PRKCI: variants seen among roughly 807,000 people sequenced by gnomAD.
PRKCI encodes protein kinase C iota type.
PRKCI carries 43 observed loss-of-function variants against 84.0 expected under a neutral mutation model. The ratio of observed to expected loss-of-function variants is 0.51; its 90% CI spans 0.40 to 0.66. PRKCI has a LOEUF of 0.66. PRKCI is among the 30% of genes least tolerant of loss of function. PRKCI has a pLI of 0.00. For missense variants in PRKCI, 459 were observed against 745.6 expected (o/e 0.62, Z 4.48); for synonymous variants, 216 against 234.4 (o/e 0.92, Z 0.72).
chr3:170,303,255 T>G lies in PRKCI; in HGVS notation c.*128T>G. The G allele has an allele frequency of 1.8e-6, 1 of 561,484 alleles. No homozygotes were observed. Among genetic ancestry groups the G allele is most frequent in the Non-Finnish European group, 3.0e-6 (1 of 328,798 alleles). The allele number at this position is 561,484 out of a possible 1,614,324, so 34.8% of individuals were successfully genotyped here. ...CAAAAAAACACCCAATATCTTCTCT[T>G]GTAGACTATATGAATCAATTATTAC... On this transcript the variant is annotated 3_prime_UTR_variant, in exon 18 of 18. Coordinates refer to ENST00000295797, the MANE Select transcript of PRKCI (RefSeq NM_002740.6).
chr3:170,239,982 C>G (rs1223582880), intron 2 of PRKCI, among the ~76,000 whole-genome samples: 1 of 151,916 alleles, frequency 6.6e-6, no homozygotes, highest in African/African-American at 2.4e-5. Context: ...ATAGTGAGAC[C>G]CTGTCCCTAC....
chr3:170,245,945 C>CTTTGTTTTTTTTTTTTGTTTG lies in PRKCI; in HGVS notation c.223+10610_223+10611insGTTTGTTTGTTTTTTTTTTTT, dbSNP rs1553837881. Among the ~76,000 whole-genome samples, 358 of 95,104 alleles carry CTTTGTTTTTTTTTTTTGTTTG rather than the reference C, an allele frequency of 3.8e-3. 2 individuals are homozygous for CTTTGTTTTTTTTTTTTGTTTG. The highest frequency in any genetic ancestry group is 0.011 in the African/African-American group (236 of 20,632). The allele number at this position is 95,104 out of a possible 152,430, so 62.4% of individuals were successfully genotyped here. A position where few individuals can be genotyped will look rare whatever the true frequency, so the allele number is the denominator to read the frequency against. Reference sequence around the variant, plus strand: ...TCTCTTTTTTCCCTGGATGTTATGTCTTTGTTTTTTTTTTTTTTTTTTTTT... The same window carrying CTTTGTTTTTTTTTTTTGTTTG: ...TCTCTTTTTTCCCTGGATGTTATGTCTTTGTTTTTTTTTTTTGTTTGTTTGTTTTTTTTTTTTTTTTTTTTT... On this transcript the variant is annotated intron_variant, in intron 2 of 17. Coordinates refer to ENST00000295797, the MANE Select transcript of PRKCI (RefSeq NM_002740.6).
intron 16 of PRKCI, among the ~76,000 whole-genome samples, chr3:170,298,255 T>A (rs997137135): frequency 6.6e-6 from 1 of 152,160 alleles, no homozygotes; most frequent in African/African-American, 2.4e-5. Context: ...TTTATTTTTT[T>A]AGGAGAAACA....
chr3:170,263,470 A>G, intron 4 of PRKCI, 41 bp downstream of exon 4: 7 of 1,485,256 alleles, frequency 4.7e-6, no homozygotes, highest in South Asian at 1.2e-5. Context: ...AAGAGTTACT[A>G]TGCTATGGTA....
chr3:170,276,783 A>G (rs1291152844), intron 8 of PRKCI, among the ~76,000 whole-genome samples: 1 of 152,216 alleles, frequency 6.6e-6, no homozygotes, highest in Admixed American at 6.5e-5. Flanking sequence ...AAAAATTGAC[A>G]AGTGGGACCT....
intron 3 of PRKCI, among the ~76,000 whole-genome samples, chr3:170,262,914 T>C (rs1000132903): frequency 1.9e-4 from 29 of 150,988 alleles, no homozygotes; most frequent in Non-Finnish European, 3.4e-4. Context: ...CTCACGCCTG[T>C]AATCCCAGCA....
chr3:170,284,437 G>T (rs767196855), intron 11 of PRKCI, 24 bp from the exon 12 acceptor site: 61 of 1,513,218 alleles, frequency 4.0e-5, no homozygotes, highest in Non-Finnish European at 5.1e-5. Flanking sequence ...TGAATCAAAT[G>T]ACTTATTTTT....
chr3:170,292,812 C>A (rs1322548507), intron 13 of PRKCI, among the ~76,000 whole-genome samples: 1 of 151,832 alleles, frequency 6.6e-6, no homozygotes, highest in African/African-American at 2.4e-5. Context: ...GAGGCCGAGG[C>A]AGGCGGATCA....
intron 10 of PRKCI, 133 bp downstream of exon 10, chr3:170,281,396 TGC>T: frequency 1.5e-6 from 1 of 662,794 alleles, no homozygotes; most frequent in Non-Finnish European, 2.6e-6. Flanking sequence ...TATAACTTCC[TGC>T]TAATAATACT....
intron 2 of PRKCI, among the ~76,000 whole-genome samples, chr3:170,247,289 C>G (rs1239650539): frequency 2.6e-5 from 4 of 151,936 alleles, no homozygotes; most frequent in African/African-American, 9.7e-5. Context: ...CTCTTGGACT[C>G]AAGCAATCCT....
chr3:170,297,098 A>G (rs1008621211), intron 15 of PRKCI, among the ~76,000 whole-genome samples: 2 of 152,194 alleles, frequency 1.3e-5, no homozygotes, highest in African/African-American at 2.4e-5. Context: ...TTTTAATTAC[A>G]TGATGGGTGG....
chr3:170,297,377 A>C lies in PRKCI; in HGVS notation c.1571A>C (p.Asn524Thr), dbSNP rs1734708558. ...ATTCAGGGACACCCGTTCTTCCGAA[A>C]TGTTGATTGGGATATGGTATGTAAA... The part of the protein sequence containing the change: ...ADIQGHPFFR[N>T]VDWDMMEQKQ... Residue 524 changes from asparagine to threonine, a missense_variant, in exon 16 of 18, where the codon AAT becomes ACT. Coordinates refer to ENST00000295797, the MANE Select transcript of PRKCI (RefSeq NM_002740.6). 6.2e-7 allele frequency: 1 copy of C among 1,612,192 alleles called. No homozygotes were observed. Among genetic ancestry groups the C allele is most frequent in the East Asian group, 2.2e-5 (1 of 44,872 alleles).
intron 17 of PRKCI, among the ~76,000 whole-genome samples, chr3:170,299,564 T>C (rs1734772197): frequency 6.6e-6 from 1 of 152,246 alleles, no homozygotes; most frequent in Non-Finnish European, 1.5e-5. Context: ...TTACTGGTAT[T>C]TGTATCTACT....
At chr3:170,293,550 A>G (rs1577375440) in intron 14 of PRKCI, 42 bp downstream of exon 14, 7 of 1,586,450 alleles carry the variant, frequency 4.4e-6, no homozygotes, top group Non-Finnish European at 6.0e-6. Flanking sequence ...AGAAAAACCT[A>G]TTCTAGAGTA....
intron 4 of PRKCI, among the ~76,000 whole-genome samples, chr3:170,266,807 A>G (rs1733866496): frequency 6.6e-6 from 1 of 152,198 alleles, no homozygotes; most frequent in South Asian, 2.1e-4. Context: ...AGCCTGGCCA[A>G]CGTGGCAAAA....
intron 1 of PRKCI, among the ~76,000 whole-genome samples, chr3:170,233,902 G>T (rs1732869669): frequency 6.6e-6 from 1 of 151,740 alleles, no homozygotes; most frequent in Non-Finnish European, 1.5e-5. Flanking sequence ...TGTATTTTTA[G>T]TAGAGACGGA....
At chr3:170,298,971 C>T in intron 16 of PRKCI, 24 bp from the exon 17 acceptor site, 2 of 1,469,608 alleles carry the variant, frequency 1.4e-6, no homozygotes, top group South Asian at 2.3e-5. Flanking sequence ...CAGACTTGAG[C>T]TGTCATCCAG....
chr3:170,252,760 T>C (rs1302295572), intron 2 of PRKCI, among the ~76,000 whole-genome samples: 3 of 152,080 alleles, frequency 2.0e-5, no homozygotes, highest in African/African-American at 7.2e-5. Flanking sequence ...CTGGCTGTTT[T>C]TTAAAATTTT....
chr3:170,271,226 C>T (rs1733997371), intron 6 of PRKCI, among the ~76,000 whole-genome samples: 1 of 152,052 alleles, frequency 6.6e-6, no homozygotes, highest in South Asian at 2.1e-4. Context: ...GTAGGTGGAA[C>T]ACTATAATGA....
Sources: allele counts gnomAD v4.1 joint callset (sites outside exome capture counted in the v4.1 genomes callset), GRCh38; gene constraint gnomAD v4.1.1; transcripts MANE v1.5; gene names NCBI Gene and HGNC (gene_info 2026-07-23, HGNC 2026-07-21).